Variants in PCDH15 observed in about 807,000 individuals in gnomAD.
The protein encoded by PCDH15 is protocadherin-15.
Under a neutral mutation model 178.5 loss-of-function variants are expected in PCDH15, and 129 were observed. The ratio of observed to expected loss-of-function variants is 0.72; its 90% confidence interval spans 0.63 to 0.84. The LOEUF is 0.84. Among genes scored for constraint, PCDH15 ranks in the 40% least tolerant of loss-of-function variants. The pLI, the probability that PCDH15 is intolerant of heterozygous loss-of-function variation, is 0.00. For missense variants in PCDH15, 2,230 were observed against 2,099.9 expected, an observed-to-expected ratio of 1.06 and a Z score of -1.21; for synonymous variants, 800 against 732.0, an observed-to-expected ratio of 1.09 and a Z score of -1.50.
intron 13 of PCDH15, among the ~76,000 whole-genome samples, chr10:54,158,666 T>G (rs1341018833): frequency 1.3e-5 from 2 of 152,180 alleles, no homozygotes; most frequent in African/African-American, 4.8e-5. Context: ...ATGATTGAAT[T>G]GTGCATAAGC....
At chr10:54,149,091 G>C (rs2044264648) in intron 14 of PCDH15, among the ~76,000 whole-genome samples, 1 of 152,016 alleles carries the variant, frequency 6.6e-6, no homozygotes, top group Non-Finnish European at 1.5e-5. Flanking sequence ...CTTTGAGGCT[G>C]TGCAAATAGG....
intron 2 of PCDH15, among the ~76,000 whole-genome samples, chr10:54,551,264 G>C (rs993779531): frequency 3.3e-5 from 5 of 151,756 alleles, no homozygotes; most frequent in African/African-American, 1.2e-4. Context: ...ACAGACAGTG[G>C]GAGTGGGGAC....
chr10:54,611,648 G>T (rs1484532882), intron 2 of PCDH15, among the ~76,000 whole-genome samples: 1 of 151,780 alleles, frequency 6.6e-6, no homozygotes, highest in Admixed American at 6.6e-5. Context: ...GAGACAAGAA[G>T]ATAAATATAA....
At position 55,238,145 on chromosome 10, in the gene PCDH15, CTT is replaced by C. The variant is rs758000610; in HGVS notation, c.-155-71496_-155-71495del. On this transcript the variant is annotated intron_variant, in intron 1 of 5. Transcript: ENST00000458638. Reference sequence around the variant, plus strand: ...ATAAGACTTCATGCATTCATATTTTCTTTTTTTTTTTTTTTTTTTTGAGACGG... The same window carrying C: ...ATAAGACTTCATGCATTCATATTTTCTTTTTTTTTTTTTTTTTTGAGACGG... 2.2e-3 allele frequency among the ~76,000 whole-genome samples: 271 copies of C among 124,420 alleles called. 1 individual carries two copies. The highest frequency in any genetic ancestry group is 3.9e-3 in the Non-Finnish European group (230 of 59,006). 81.6% of individuals were successfully genotyped at this position (124,420 alleles called of 152,430 possible). A position where few individuals can be genotyped will look rare whatever the true frequency, so the allele number is the denominator to read the frequency against.
intron 2 of PCDH15, among the ~76,000 whole-genome samples, chr10:55,037,851 T>G (rs7087015): frequency 0.57 from 86,727 of 151,966 alleles, 25,081 homozygotes; most frequent in East Asian, 0.75. Context: ...TTTATTCTTA[T>G]CATAGTGTTA....
intron 2 of PCDH15, among the ~76,000 whole-genome samples, chr10:55,448,360 G>T (rs1341006760): frequency 6.6e-6 from 1 of 151,792 alleles, no homozygotes; most frequent in Non-Finnish European, 1.5e-5. Context: ...AATAAATCAA[G>T]ATTCACCTAT....
At chr10:54,209,969 G>C (rs551990216) in intron 10 of PCDH15, among the ~76,000 whole-genome samples, 1 of 152,080 alleles carries the variant, frequency 6.6e-6, no homozygotes, top group Non-Finnish European at 1.5e-5. Context: ...CTGTTTTCCT[G>C]TAACTCTCAA....
intron 1 of PCDH15, among the ~76,000 whole-genome samples, chr10:54,783,844 C>A (rs1025334126): frequency 6.6e-6 from 1 of 152,040 alleles, no homozygotes; most frequent in East Asian, 1.9e-4. Flanking sequence ...TCAGACTTTA[C>A]CAATTGTATT....
intron 23 of PCDH15, among the ~76,000 whole-genome samples, chr10:53,951,797 G>A (rs913771167): frequency 3.3e-5 from 5 of 152,100 alleles, no homozygotes; most frequent in Admixed American, 2.0e-4. Flanking sequence ...TTCTTCTACC[G>A]GCCCAGATCC....
At chr10:55,380,232 T>A (rs935452270) in intron 2 of PCDH15, among the ~76,000 whole-genome samples, 2 of 152,072 alleles carry the variant, frequency 1.3e-5, no homozygotes, top group African/African-American at 2.4e-5. Flanking sequence ...GAATATTCAG[T>A]GGGCAAAAAT....
intron 2 of PCDH15, among the ~76,000 whole-genome samples, chr10:55,066,477 G>A (rs960217832): frequency 2.6e-4 from 39 of 149,800 alleles, no homozygotes; most frequent in African/African-American, 8.3e-4. Flanking sequence ...TATAAATATT[G>A]TTCCTTTCTC....
intron 1 of PCDH15, among the ~76,000 whole-genome samples, chr10:55,299,226 C>A (rs1260982180): frequency 6.6e-6 from 1 of 152,146 alleles, no homozygotes; most frequent in East Asian, 1.9e-4. Context: ...ACTTTCTCAA[C>A]TCTTGGACAG....
chr10:54,610,645 A>G (rs181654452), intron 2 of PCDH15, among the ~76,000 whole-genome samples: 3 of 151,946 alleles, frequency 2.0e-5, no homozygotes, highest in Admixed American at 1.3e-4. Context: ...TAGTCATTAT[A>G]TATTTTTGTC....
intron 2 of PCDH15, among the ~76,000 whole-genome samples, chr10:55,007,900 C>T (rs542939303): frequency 6.6e-6 from 1 of 152,092 alleles, no homozygotes; most frequent in Non-Finnish European, 1.5e-5. Flanking sequence ...CAAAAACCTG[C>T]ATACTATACA....
At chr10:53,849,778 A>G (rs755968248) in intron 28 of PCDH15, among the ~76,000 whole-genome samples, 3 of 148,710 alleles carry the variant, frequency 2.0e-5, no homozygotes, top group Non-Finnish European at 3.0e-5. Flanking sequence ...GCAGAATGAC[A>G]TGAACCCGGG....
intron 2 of PCDH15, among the ~76,000 whole-genome samples, chr10:55,432,817 C>T (rs902602190): frequency 6.6e-6 from 1 of 151,214 alleles, no homozygotes; most frequent in South Asian, 2.1e-4. Context: ...GTAGAGATGG[C>T]GTTTAACCGT....
At chr10:54,280,231 A>G (rs930984947) in intron 8 of PCDH15, among the ~76,000 whole-genome samples, 1 of 151,404 alleles carries the variant, frequency 6.6e-6, no homozygotes, top group Non-Finnish European at 1.5e-5. Flanking sequence ...AAGACTGCCT[A>G]TTCATGTGGC....
At chr10:54,591,674 T>C (rs2091897180) in intron 2 of PCDH15, among the ~76,000 whole-genome samples, 1 of 152,066 alleles carries the variant, frequency 6.6e-6, no homozygotes, top group African/African-American at 2.4e-5. Flanking sequence ...AAAAAGAACT[T>C]CAACATGCCA....
intron 1 of PCDH15, among the ~76,000 whole-genome samples, chr10:55,172,693 T>C (rs1220006871): frequency 6.6e-6 from 1 of 152,070 alleles, no homozygotes; most frequent in Non-Finnish European, 1.5e-5. Flanking sequence ...AACACACTAT[T>C]CTTTAAATTA....
Sources: gnomAD v4.1 joint callset for allele counts (sites outside exome capture counted in the v4.1 genomes callset) on GRCh38, gnomAD v4.1.1 for gene constraint, MANE v1.5 for transcripts, NCBI Gene and HGNC (gene_info 2026-07-23, HGNC 2026-07-21) for gene names.